PARD3B: variants seen among roughly 807,000 people sequenced by gnomAD.
PARD3B encodes the protein par-3 family cell polarity regulator beta.
A neutral mutation model predicts 130.2 loss-of-function variants in PARD3B; 103 were observed. The observed-to-expected ratio is 0.79, with a 90% CI of 0.67 to 0.93. The LOEUF is 0.93. PARD3B is among the 40% of genes least tolerant of loss of function. The pLI is 0.00. For missense variants in PARD3B, 1,609 were observed against 1,499.2 expected (o/e 1.07, Z -1.21); for synonymous variants, 583 against 553.2 (o/e 1.05, Z -0.76).
chr2:205,452,844 T>C (rs745855482), intron 20 of PARD3B, among the ~76,000 whole-genome samples: 1 of 152,210 alleles, frequency 6.6e-6, no homozygotes. Context: ...CCATCCATTT[T>C]CAAGGCCCCT....
At chr2:205,022,719 G>A (rs984478720) in intron 3 of PARD3B, among the ~76,000 whole-genome samples, 1 of 152,218 alleles carries the variant, frequency 6.6e-6, no homozygotes, top group African/African-American at 2.4e-5. Flanking sequence ...AACCTGTTTT[G>A]GGGCTCAACT....
At chr2:205,082,826 A>G (rs1701500358) in intron 4 of PARD3B, among the ~76,000 whole-genome samples, 1 of 152,204 alleles carries the variant, frequency 6.6e-6, no homozygotes, top group South Asian at 2.1e-4. Flanking sequence ...TTAATGGGCA[A>G]CATATTACTA....
intron 2 of PARD3B, among the ~76,000 whole-genome samples, chr2:204,817,736 G>T (rs1276618669): frequency 6.6e-6 from 1 of 152,136 alleles, no homozygotes; most frequent in Non-Finnish European, 1.5e-5. Context: ...AATATAGGAA[G>T]TCTGCTAGTT....
intron 2 of PARD3B, among the ~76,000 whole-genome samples, chr2:204,713,451 G>T (rs914377031): frequency 1.3e-5 from 2 of 150,482 alleles, no homozygotes; most frequent in Admixed American, 6.6e-5. Context: ...GCAGTTTTGT[G>T]GCATTAAGAA....
chr2:205,112,680 T>A (rs1401973092), intron 5 of PARD3B, among the ~76,000 whole-genome samples: 1 of 152,274 alleles, frequency 6.6e-6, no homozygotes, highest in East Asian at 1.9e-4. Context: ...ATAATCTTTA[T>A]GAAAACTTGG....
At chr2:205,339,194 A>C (rs546482628) in intron 18 of PARD3B, among the ~76,000 whole-genome samples, 2 of 151,852 alleles carry the variant, frequency 1.3e-5, no homozygotes, top group African/African-American at 4.9e-5. Flanking sequence ...GAAATATCTT[A>C]AGTCAAATAT....
intron 20 of PARD3B, among the ~76,000 whole-genome samples, chr2:205,493,895 T>G (rs929282873): frequency 6.6e-6 from 1 of 152,026 alleles, no homozygotes; most frequent in Non-Finnish European, 1.5e-5. Context: ...GTAGCTGGGA[T>G]TACAGGTGCA....
At chr2:204,621,570 A>G (rs2034303808) in intron 1 of PARD3B, among the ~76,000 whole-genome samples, 1 of 152,194 alleles carries the variant, frequency 6.6e-6, no homozygotes, top group Non-Finnish European at 1.5e-5. Flanking sequence ...TCCATTTTAA[A>G]TCTATAATAT....
chr2:204,842,962 C>T (rs917121521), intron 2 of PARD3B, among the ~76,000 whole-genome samples: 1 of 152,094 alleles, frequency 6.6e-6, no homozygotes, highest in Non-Finnish European at 1.5e-5. Context: ...TTCAGATTCG[C>T]AAGATCTGCA....
chr2:204,587,306 C>G (rs1163550949), intron 1 of PARD3B, among the ~76,000 whole-genome samples: 1 of 152,086 alleles, frequency 6.6e-6, no homozygotes, highest in Non-Finnish European at 1.5e-5. Flanking sequence ...TAATTCAGCT[C>G]AGATTGCTGC....
chr2:205,571,600 G>T (rs1266429018), intron 22 of PARD3B, among the ~76,000 whole-genome samples: 2 of 152,198 alleles, frequency 1.3e-5, no homozygotes, highest in African/African-American at 4.8e-5. Flanking sequence ...GACTCTGTTG[G>T]TATTATGAAG....
At chr2:205,343,642 G>A (rs1000000485) in intron 18 of PARD3B, among the ~76,000 whole-genome samples, 2 of 152,156 alleles carry the variant, frequency 1.3e-5, no homozygotes, top group African/African-American at 4.8e-5. Context: ...TAACTACAAA[G>A]CATCTGACAC....
In PARD3B at chr2:205,446,998, C is replaced by A. The variant is rs115164421; in HGVS notation, c.3044+6326C>A. On this transcript the variant is annotated intron_variant, in intron 20 of 22. Coordinates refer to ENST00000406610, the MANE Select transcript of PARD3B (RefSeq NM_001302769.2). This position sits in a 1 kb window ranked among gnomAD's most constrained non-coding sequence, Gnocchi z 4.4. ...ATTTGACATTCATTTCTAGAGGTTG[C>A]CAAATGGGTTTGATTGCACACAGTA... Among the ~76,000 whole-genome samples the A allele has an allele frequency of 5.2e-3, 796 of 152,196 alleles. 4 individuals carry two copies. Among genetic ancestry groups the A allele is most frequent in the African/African-American group, 0.015 (635 of 41,536 alleles).
At chr2:205,007,896 A>C (rs1695404844) in intron 3 of PARD3B, among the ~76,000 whole-genome samples, 3 of 152,078 alleles carry the variant, frequency 2.0e-5, no homozygotes, top group Admixed American at 1.3e-4. Flanking sequence ...TTCCTTGTAG[A>C]TATCTTTTAC....
chr2:204,885,977 C>T (rs1205920485), intron 2 of PARD3B, among the ~76,000 whole-genome samples: 1 of 152,168 alleles, frequency 6.6e-6, no homozygotes, highest in East Asian at 1.9e-4. Context: ...TTTTCTTTTT[C>T]TAAGTGGCAT....
In PARD3B at chr2:205,405,614, G is replaced by A. The variant is rs576184374; in HGVS notation, c.2741+4491G>A. ...TAAGCTTGCAAGAATAATTTTTTTC[G>A]TTAAAATTTATTTTTAACCTTGGCC... On this transcript the variant is annotated intron_variant, in intron 19 of 22. Coordinates refer to ENST00000406610, the MANE Select transcript of PARD3B (RefSeq NM_001302769.2). This position sits in a 1 kb window ranked among gnomAD's most constrained non-coding sequence, Gnocchi z 4.1. 1.2e-3 allele frequency among the ~76,000 whole-genome samples: 176 copies of A among 152,082 alleles called. No homozygotes were observed. The highest frequency in any genetic ancestry group is 2.5e-3 in the South Asian group (12 of 4,822).
At chr2:204,896,933 TTATA>T (rs1257948606) in intron 2 of PARD3B, among the ~76,000 whole-genome samples, 17 of 152,248 alleles carry the variant, frequency 1.1e-4, no homozygotes, top group Admixed American at 9.8e-4. Context: ...ATAAAAATGA[TTATA>T]TTAGTAGTAA....
intron 1 of PARD3B, among the ~76,000 whole-genome samples, chr2:204,572,113 G>A (rs2032037967): frequency 1.3e-5 from 2 of 152,306 alleles, no homozygotes; most frequent in Admixed American, 6.5e-5. Flanking sequence ...AAACTGAAGA[G>A]TTCAGAAGTG....
At chr2:205,217,092 C>T (rs970762695) in intron 15 of PARD3B, among the ~76,000 whole-genome samples, 44 of 152,250 alleles carry the variant, frequency 2.9e-4, no homozygotes, top group African/African-American at 9.6e-4. Context: ...AATCCAGTAT[C>T]AGCTAAGAAG....
Sources: gnomAD v4.1 joint callset for allele counts (sites outside exome capture counted in the v4.1 genomes callset) on GRCh38, gnomAD v4.1.1 for gene constraint, Gnocchi (gnomAD v3.1) non-coding constraint, MANE v1.5 for transcripts, NCBI Gene and HGNC (gene_info 2026-07-23, HGNC 2026-07-21) for gene names.